Variants in RBFOX1 observed in about 807,000 individuals in gnomAD.
The protein encoded by RBFOX1 is RNA binding fox-1 homolog 1, also known as RNA binding protein fox-1 homolog 1.
RBFOX1 carries 8 observed loss-of-function variants against 57.7 expected under a neutral mutation model. The ratio of observed to expected loss-of-function variants is 0.14; its 90% CI spans 0.08 to 0.25. The LOEUF is 0.25. Among genes scored for constraint, RBFOX1 ranks in the 10% least tolerant of loss-of-function variants. The pLI, the probability that RBFOX1 is intolerant of heterozygous loss-of-function variation, is 1.00. For synonymous variants in RBFOX1, 326 were observed against 222.4 expected, an observed-to-expected ratio of 1.47 and a Z score of -4.15; for missense variants, 611 against 548.5, an observed-to-expected ratio of 1.11 and a Z score of -1.14.
At position 7,058,005 on chromosome 16, in the gene RBFOX1, G is replaced by GAAAAAAAAAAAAA. The variant is rs145498650; in HGVS notation, c.27+5907_27+5908insAAAAAAAAAAAAA. On this transcript the variant is annotated intron_variant, in intron 4 of 15. Coordinates refer to ENST00000550418, the MANE Select transcript of RBFOX1 (RefSeq NM_018723.4). ...TCTGGTCGACAGAGGGAGACTGTGG[G>GAAAAAAAAAAAAA]GAAAAAAAAAAAAAAAACACGAAAA... Among the ~76,000 whole-genome samples, 4 of 121,616 alleles carry GAAAAAAAAAAAAA rather than the reference G, an allele frequency of 3.3e-5. 1 individual carries two copies. Among genetic ancestry groups the GAAAAAAAAAAAAA allele is most frequent in the Non-Finnish European group, 1.7e-5 (1 of 59,910 alleles). The allele number at this position is 121,616 out of a possible 152,430, so 79.8% of individuals were successfully genotyped here.
At chr16:5,751,212 C>G (rs1022937117) in intron 3 of RBFOX1, among the ~76,000 whole-genome samples, 10 of 152,164 alleles carry the variant, frequency 6.6e-5, no homozygotes, top group South Asian at 2.1e-4. Context: ...ATTTTAGGCT[C>G]TGGTGGAGAG....
intron 1 of RBFOX1, among the ~76,000 whole-genome samples, chr16:6,030,967 T>C (rs1394468936): frequency 1.3e-5 from 2 of 152,114 alleles, no homozygotes; most frequent in East Asian, 3.9e-4. Context: ...CTCTGCCTAG[T>C]GAAACTTATG....
intron 3 of RBFOX1, among the ~76,000 whole-genome samples, chr16:5,831,039 G>A (rs1433840777): frequency 6.6e-6 from 1 of 152,178 alleles, no homozygotes; most frequent in East Asian, 1.9e-4. Context: ...GTTAGTTGGC[G>A]AGTTTAATAT....
intron 2 of RBFOX1, chr16:6,483,507 C>A: frequency 1.3e-6 from 2 of 1,535,690 alleles, no homozygotes; most frequent in Non-Finnish European, 8.7e-7. Context: ...ACAATGAAAT[C>A]TTGGCAGCTA....
rs1568014707 is a variant in RBFOX1, at chr16:7,280,945, T to TTCCTTCCCTCCC, written c.27+228850_27+228851insTTCCCTCCCTCC. Among the ~76,000 whole-genome samples, 150 of 130,302 alleles carry TTCCTTCCCTCCC rather than the reference T, an allele frequency of 1.2e-3. 6 individuals are homozygous for TTCCTTCCCTCCC. The highest frequency in any genetic ancestry group is 4.2e-3 in the South Asian group (15 of 3,576). 85.5% of individuals were successfully genotyped at this position (130,302 alleles called of 152,430 possible). A position where few individuals can be genotyped will look rare whatever the true frequency, so the allele number is the denominator to read the frequency against. Reference sequence around the variant, plus strand: ...GGCCTCTTGAATCAATTGCATGTGATTCCCTACCTACCTCCCTCCCTCCCT... The same window carrying TTCCTTCCCTCCC: ...GGCCTCTTGAATCAATTGCATGTGATTCCTTCCCTCCCTCCCTACCTACCTCCCTCCCTCCCT... On this transcript the variant is annotated intron_variant, in intron 4 of 15. Transcript: ENST00000550418.
chr16:6,012,898 A>T (rs866065006), intron 4 of RBFOX1, among the ~76,000 whole-genome samples: 5 of 152,226 alleles, frequency 3.3e-5, no homozygotes, highest in Non-Finnish European at 7.3e-5. Flanking sequence ...AATGTTTCCT[A>T]AAATGTGATA....
chr16:5,541,163 T>G (rs899812234), intron 2 of RBFOX1, among the ~76,000 whole-genome samples: 4 of 152,130 alleles, frequency 2.6e-5, no homozygotes, highest in African/African-American at 7.2e-5. Flanking sequence ...ATCTGCATTT[T>G]TAAGAAGAGC....
Position 7,082,145 on chromosome 16 carries a change from A to T in RBFOX1, c.27+30047A>T, listed in dbSNP as rs145913328. Among the ~76,000 whole-genome samples the T allele has an allele frequency of 8.1e-4, 123 of 152,244 alleles. 1 individual carries two copies. The East Asian group carries it at 0.022, about 28-fold the overall frequency. The stretch of plus-strand genomic sequence containing the variant: ...TTGGTATCCTAATTCCCTGTTATCT[A>T]TCTTGGTAAACTCCAGCCTTCTGGT... On this transcript the variant is annotated intron_variant, in intron 4 of 15. Transcript: ENST00000550418.
intron 1 of RBFOX1, among the ~76,000 whole-genome samples, chr16:6,129,438 G>A (rs531957308): frequency 6.6e-6 from 1 of 152,092 alleles, no homozygotes; most frequent in Non-Finnish European, 1.5e-5. Context: ...AAGGACTAGT[G>A]AATTTGAAGA....
chr16:6,833,550 C>G (rs758694742), intron 3 of RBFOX1, among the ~76,000 whole-genome samples: 1 of 152,184 alleles, frequency 6.6e-6, no homozygotes, highest in Non-Finnish European at 1.5e-5. Context: ...CAGCTACTCT[C>G]TGACAGTCTG....
At chr16:5,322,029 T>A (rs1455941763) in intron 1 of RBFOX1, among the ~76,000 whole-genome samples, 1 of 152,084 alleles carries the variant, frequency 6.6e-6, no homozygotes, top group African/African-American at 2.4e-5. Flanking sequence ...ATCCTACAGA[T>A]GAAGAAGCTG....
At chr16:6,924,897 C>G (rs1418613467) in intron 3 of RBFOX1, among the ~76,000 whole-genome samples, 2 of 132,330 alleles carry the variant, frequency 1.5e-5, no homozygotes, top group Non-Finnish European at 3.1e-5. Context: ...TCCATGTGTT[C>G]TCATTGTTCA....
intron 4 of RBFOX1, among the ~76,000 whole-genome samples, chr16:7,246,656 T>TA (rs1043781403): frequency 6.7e-5 from 7 of 104,962 alleles, no homozygotes; most frequent in East Asian, 2.3e-4. Context: ...TTTTTTTTTT[T>TA]ACTGAGTTTG....
At chr16:5,659,806 A>G (rs2049586954) in intron 3 of RBFOX1, among the ~76,000 whole-genome samples, 1 of 152,310 alleles carries the variant, frequency 6.6e-6, no homozygotes, top group Admixed American at 6.5e-5. Context: ...TGGCTTTGTC[A>G]TCAGTCAAAT....
intron 4 of RBFOX1, among the ~76,000 whole-genome samples, chr16:7,067,308 C>CA (rs35824102): frequency 1.6e-4 from 24 of 151,576 alleles, no homozygotes; most frequent in African/African-American, 4.6e-4. Context: ...CAAATTACCA[C>CA]AAAAAAAATA....
At chr16:5,989,165 A>C in intron 4 of RBFOX1, among the ~76,000 whole-genome samples, 1 of 151,774 alleles carries the variant, frequency 6.6e-6, no homozygotes, top group East Asian at 1.9e-4. Flanking sequence ...CTAAAAAAAA[A>C]AAAAAAATAC....
intron 4 of RBFOX1, among the ~76,000 whole-genome samples, chr16:7,293,750 G>C (rs1279485126): frequency 6.6e-6 from 1 of 152,142 alleles, no homozygotes; most frequent in Non-Finnish European, 1.5e-5. Context: ...GTGTCACCTT[G>C]TAAGTTTTGC....
intron 1 of RBFOX1, among the ~76,000 whole-genome samples, chr16:6,234,082 C>G (rs1489901036): frequency 6.6e-6 from 1 of 152,150 alleles, no homozygotes; most frequent in Non-Finnish European, 1.5e-5. Flanking sequence ...TGTAAAGCTT[C>G]TTTTATAAGA....
At chr16:6,256,934 C>G (rs988760833) in intron 1 of RBFOX1, among the ~76,000 whole-genome samples, 1 of 152,054 alleles carries the variant, frequency 6.6e-6, no homozygotes. Flanking sequence ...TGGAGAAGTC[C>G]TAATAATGTG....
Sources: gnomAD v4.1 joint callset for allele counts (sites outside exome capture counted in the v4.1 genomes callset) on GRCh38, gnomAD v4.1.1 for gene constraint, MANE v1.5 for transcripts, NCBI Gene and HGNC (gene_info 2026-07-23, HGNC 2026-07-21) for gene names.